Variants in USH2A observed in about 807,000 individuals in gnomAD.
USH2A encodes usherin.
A neutral mutation model predicts 538.9 loss-of-function variants in USH2A; 443 were observed. That is an observed-to-expected ratio of 0.82 (90% confidence interval 0.76 to 0.89). The LOEUF (loss-of-function observed/expected upper bound fraction) is 0.89. USH2A is among the 40% of genes least tolerant of loss of function. The probability of loss-of-function intolerance (pLI) is 0.00; values close to 1 mark genes in which losing one functional copy is unlikely to be tolerated. For missense variants in USH2A, 6,633 were observed against 6,324.8 expected (o/e 1.05, Z -1.65); for synonymous variants, 2,413 against 2,273.5 (o/e 1.06, Z -1.75).
At chr1:216,010,435 C>G (rs112774876) in intron 32 of USH2A, among the ~76,000 whole-genome samples, 1 of 152,056 alleles carries the variant, frequency 6.6e-6, no homozygotes, top group African/African-American at 2.4e-5. Context: ...GCCCAAGGTT[C>G]TCTGACTGAC....
intron 37 of USH2A, among the ~76,000 whole-genome samples, chr1:215,959,367 T>G (rs1171952684): frequency 6.6e-6 from 1 of 152,242 alleles, no homozygotes; most frequent in Non-Finnish European, 1.5e-5. Flanking sequence ...TCATGAGCAT[T>G]TAACAATTTA....
At chr1:216,014,607 G>A (rs1668662841) in intron 32 of USH2A, among the ~76,000 whole-genome samples, 1 of 152,186 alleles carries the variant, frequency 6.6e-6, no homozygotes, top group South Asian at 2.1e-4. Flanking sequence ...GAGCCCCTGA[G>A]CAACAACATC....
At chr1:215,743,922 C>T (rs1469994897) in intron 58 of USH2A, among the ~76,000 whole-genome samples, 1 of 151,652 alleles carries the variant, frequency 6.6e-6, no homozygotes, top group East Asian at 1.9e-4. Flanking sequence ...TTGTGTATTC[C>T]AAAAGTAAGA....
intron 6 of USH2A, among the ~76,000 whole-genome samples, chr1:216,324,803 T>C (rs1047744621): frequency 2.0e-5 from 3 of 152,182 alleles, no homozygotes; most frequent in African/African-American, 4.8e-5. Flanking sequence ...CACTACTTTA[T>C]TGAGGCAAGG....
At chr1:216,041,263 A>G (rs1159510383) in intron 32 of USH2A, among the ~76,000 whole-genome samples, 2 of 152,114 alleles carry the variant, frequency 1.3e-5, no homozygotes, top group South Asian at 2.1e-4. Flanking sequence ...GACCCACCAT[A>G]CTACTAGCTT....
intron 14 of USH2A, among the ~76,000 whole-genome samples, chr1:216,222,340 T>G (rs2035473124): frequency 6.6e-6 from 1 of 152,182 alleles, no homozygotes; most frequent in Admixed American, 6.5e-5. Context: ...ATTGGTGTGC[T>G]CTAATAAAAC....
At chr1:216,215,334 A>C (rs555585916) in intron 15 of USH2A, among the ~76,000 whole-genome samples, 6 of 152,230 alleles carry the variant, frequency 3.9e-5, no homozygotes, top group African/African-American at 1.4e-4. Flanking sequence ...TACTAGTCAG[A>C]GGTAGTTCAC....
intron 46 of USH2A, among the ~76,000 whole-genome samples, chr1:215,843,208 G>A (rs1663733829): frequency 6.6e-6 from 1 of 151,916 alleles, no homozygotes; most frequent in Non-Finnish European, 1.5e-5. Flanking sequence ...AAGTTTCTGT[G>A]GTCATATAAA....
At position 215,899,947 on chromosome 1, in the gene USH2A, G is replaced by T. The variant is rs56074952; in HGVS notation, c.7594+128C>A. 78,567 of 1,378,840 alleles carry T rather than the reference G, an allele frequency of 0.057. 2,657 individuals carry two copies. The highest frequency in any genetic ancestry group is 0.068 in the Non-Finnish European group (66,724 of 988,204). 85.4% of individuals were successfully genotyped at this position (1,378,840 alleles called of 1,614,324 possible). Reference sequence around the variant, plus strand: ...CACCTTTGCTCACTCTCTTGCCCTAGAAAAGGTTATTGTCACTAAACAACA... The same window carrying T: ...CACCTTTGCTCACTCTCTTGCCCTATAAAAGGTTATTGTCACTAAACAACA... On this transcript the variant is annotated intron_variant, in intron 40 of 71. Coordinates refer to ENST00000307340, the MANE Select transcript of USH2A (RefSeq NM_206933.4).
intron 3 of USH2A, among the ~76,000 whole-genome samples, chr1:216,366,617 CA>C (rs200059473): frequency 2.0e-5 from 3 of 151,210 alleles, no homozygotes; most frequent in Admixed American, 1.3e-4. Flanking sequence ...CACAACAAAA[CA>C]AAAAAAACAG....
chr1:215,988,678 G>GT (rs995840558), intron 35 of USH2A, among the ~76,000 whole-genome samples: 1 of 152,020 alleles, frequency 6.6e-6, no homozygotes, highest in African/African-American at 2.4e-5. Context: ...GTTGTTTTCT[G>GT]TTTTTTTCTT....
chr1:215,756,030 T>C (rs940525556), intron 58 of USH2A, among the ~76,000 whole-genome samples: 1 of 152,190 alleles, frequency 6.6e-6, no homozygotes, highest in African/African-American at 2.4e-5. Context: ...AAATACGTTT[T>C]AAAAATGAGC....
At chr1:215,789,772 A>T (rs1182571906) in intron 51 of USH2A, among the ~76,000 whole-genome samples, 1 of 152,108 alleles carries the variant, frequency 6.6e-6, no homozygotes, top group Non-Finnish European at 1.5e-5. Flanking sequence ...GAGGCCCCAG[A>T]CGACCTGTGC....
chr1:216,070,003 A>G lies in USH2A; in HGVS notation c.6049+98T>C, dbSNP rs1053291992. 8 of 1,366,404 alleles carry G rather than the reference A, an allele frequency of 5.9e-6. No individual in the cohort carries two copies. In the African/African-American group the frequency reaches 1.0e-4, roughly 17 times the overall value. 84.6% of individuals were successfully genotyped at this position (1,366,404 alleles called of 1,614,324 possible). A position where few individuals can be genotyped will look rare whatever the true frequency, so the allele number is the denominator to read the frequency against. On this transcript the variant is annotated intron_variant, in intron 30 of 71. Transcript: ENST00000307340. ...AATCAGGTAAAATACATGTATATTTAATACATTTTTCTAAAAAACATTTGC... is the reference window on the plus strand; with the variant it reads ...AATCAGGTAAAATACATGTATATTTGATACATTTTTCTAAAAAACATTTGC...
chr1:216,026,586 C>T lies in USH2A; in HGVS notation c.6325+19845G>A, dbSNP rs533281583. On this transcript the variant is annotated intron_variant, in intron 32 of 71. Coordinates refer to ENST00000307340, the MANE Select transcript of USH2A (RefSeq NM_206933.4). ...TTCTGATAAATTCTCCACATAATGA[C>T]ATCTAGTTTTCATGAAAAAATTAAT... is the stretch of plus-strand genomic sequence containing the variant. Among the ~76,000 whole-genome samples the T allele has an allele frequency of 5.8e-4, 89 of 152,254 alleles. No homozygotes were observed. In the South Asian group the frequency reaches 9.1e-3, roughly 16 times the overall value.
intron 32 of USH2A, among the ~76,000 whole-genome samples, chr1:216,031,800 C>T (rs1669134151): frequency 6.6e-6 from 1 of 152,144 alleles, no homozygotes; most frequent in Admixed American, 6.5e-5. Context: ...CCAGGGTGCA[C>T]ACTCATATTA....
At chr1:215,827,288 A>T (rs1377939213) in intron 47 of USH2A, among the ~76,000 whole-genome samples, 1 of 152,140 alleles carries the variant, frequency 6.6e-6, no homozygotes, top group Non-Finnish European at 1.5e-5. Context: ...AGAACCAGGG[A>T]CAAAGTGGCA....
intron 3 of USH2A, among the ~76,000 whole-genome samples, chr1:216,375,449 A>T (rs909061896): frequency 6.6e-6 from 1 of 152,122 alleles, no homozygotes; most frequent in Non-Finnish European, 1.5e-5. Context: ...AACCTTGTGA[A>T]CCAATCTCTG....
chr1:216,081,033 A>T (rs2031925626), intron 26 of USH2A, among the ~76,000 whole-genome samples: 1 of 152,076 alleles, frequency 6.6e-6, no homozygotes, highest in Non-Finnish European at 1.5e-5. Flanking sequence ...ATACTGTTTA[A>T]TAAAAGAATT....
Sources: allele counts gnomAD v4.1 joint callset (sites outside exome capture counted in the v4.1 genomes callset), GRCh38; gene constraint gnomAD v4.1.1; transcripts MANE v1.5; gene names NCBI Gene and HGNC (gene_info 2026-07-23, HGNC 2026-07-21).